The following MGAT4C variants were observed in gnomAD, a reference collection of about 807,000 sequenced individuals.
MGAT4C encodes alpha-1,3-mannosyl-glycoprotein 4-beta-N-acetylglucosaminyltransferase C.
MGAT4C carries 19 observed loss-of-function variants against 40.1 expected under a neutral mutation model. The ratio of observed to expected loss-of-function variants is 0.47; its 90% CI spans 0.33 to 0.70. The LOEUF is 0.70. Among genes scored for constraint, MGAT4C ranks in the 30% least tolerant of loss-of-function variants. The pLI, the probability that MGAT4C is intolerant of heterozygous loss-of-function variation, is 0.02. For synonymous variants in MGAT4C, 181 were observed against 187.1 expected (o/e 0.97, Z 0.27); for missense variants, 491 against 563.2 (o/e 0.87, Z 1.30).
At chr12:86,632,221 A>G (rs891970727) in intron 2 of MGAT4C, among the ~76,000 whole-genome samples, 1 of 152,126 alleles carries the variant, frequency 6.6e-6, no homozygotes, top group South Asian at 2.1e-4. Context: ...ATCTCATACC[A>G]GTTAGAATGG....
At chr12:86,315,942 A>G in intron 4 of MGAT4C, among the ~76,000 whole-genome samples, 1 of 151,870 alleles carries the variant, frequency 6.6e-6, no homozygotes, top group Middle Eastern at 3.2e-3. Flanking sequence ...ATATTTACAA[A>G]CTATGCATCC....
rs575666665 is a variant in MGAT4C, at chr12:86,806,852, G to A, written c.-262+31814C>T. ...AGGAGAACATCACACACTGGGGCCTGTTGTGGGGTGGGGGTAGCGGGGGAG... is the reference window on the plus strand; with the variant it reads ...AGGAGAACATCACACACTGGGGCCTATTGTGGGGTGGGGGTAGCGGGGGAG... On this transcript the variant is annotated intron_variant, in intron 1 of 7. Coordinates refer to the MGAT4C transcript ENST00000548651. Among the ~76,000 whole-genome samples the A allele has an allele frequency of 5.3e-4, 81 of 151,924 alleles. 1 individual carries two copies. Among genetic ancestry groups the A allele is most frequent in the African/African-American group, 1.9e-3 (79 of 41,476 alleles).
At chr12:86,703,076 T>TA in intron 2 of MGAT4C, among the ~76,000 whole-genome samples, 1 of 152,208 alleles carries the variant, frequency 6.6e-6, no homozygotes, top group East Asian at 1.9e-4. Context: ...GTGGATGTGG[T>TA]AAAAATGGCA....
intron 3 of MGAT4C, among the ~76,000 whole-genome samples, chr12:86,399,287 T>A (rs1055042502): frequency 6.6e-6 from 1 of 151,230 alleles, no homozygotes; most frequent in Non-Finnish European, 1.5e-5. Context: ...AATTACATAT[T>A]TCTTTTCTTT....
rs1000389473 is a variant in MGAT4C, at chr12:85,961,622, A to C, written c.*17667T>G. ...CTTGTCACTATATAAACTTCACCCT[A>C]AGGAAATTTCCATGTCAGATACAAT... On this transcript the variant is annotated 3_prime_UTR_variant, in exon 5 of 5. Transcript: ENST00000611864. 7.9e-5 allele frequency: 12 copies of C among 151,762 alleles called. No individual in the cohort carries two copies. The highest frequency in any genetic ancestry group is 2.4e-4 in the African/African-American group (10 of 41,408). 9.4% of individuals were successfully genotyped at this position (151,762 alleles called of 1,614,324 possible). A position where few individuals can be genotyped will look rare whatever the true frequency, so the allele number is the denominator to read the frequency against.
At chr12:86,829,957 C>T (rs1398593580) in intron 1 of MGAT4C, among the ~76,000 whole-genome samples, 2 of 150,512 alleles carry the variant, frequency 1.3e-5, no homozygotes, top group Admixed American at 1.3e-4. Context: ...ATAAAAAATG[C>T]ATTGCTGGAT....
chr12:86,327,818 G>C (rs926997726), intron 4 of MGAT4C, among the ~76,000 whole-genome samples: 2 of 151,998 alleles, frequency 1.3e-5, no homozygotes, highest in Non-Finnish European at 1.5e-5. Context: ...TGCACAAAAG[G>C]TATCTTTGCT....
chr12:86,299,714 A>G (rs1214867648), intron 4 of MGAT4C, among the ~76,000 whole-genome samples: 11 of 152,210 alleles, frequency 7.2e-5, no homozygotes, highest in Admixed American at 1.3e-4. Context: ...TTACACAACA[A>G]TATAAAAGGT....
chr12:86,445,821 T>C (rs1592857419), intron 2 of MGAT4C, among the ~76,000 whole-genome samples: 1 of 152,174 alleles, frequency 6.6e-6, no homozygotes, highest in African/African-American at 2.4e-5. Flanking sequence ...TTATATAGGC[T>C]GCAAAAATGG....
intron 1 of MGAT4C, among the ~76,000 whole-genome samples, chr12:86,213,118 C>T (rs1950547341): frequency 2.0e-5 from 3 of 152,064 alleles, no homozygotes; most frequent in Admixed American, 6.5e-5. Context: ...TTAGCTTTGT[C>T]TGCTGAGGGA....
At chr12:86,078,417 G>A (rs1037807072) in intron 1 of MGAT4C, among the ~76,000 whole-genome samples, 1 of 152,190 alleles carries the variant, frequency 6.6e-6, no homozygotes, top group Non-Finnish European at 1.5e-5. Flanking sequence ...TGGTGGATAA[G>A]GCATTCTGTG....
At chr12:86,700,182 T>C (rs11104040) in intron 2 of MGAT4C, among the ~76,000 whole-genome samples, 1,306 of 116,496 alleles carry the variant, frequency 0.011, 17 homozygotes, top group East Asian at 0.058. Flanking sequence ...GACAGACAGA[T>C]AGATAGATAG....
intron 4 of MGAT4C, among the ~76,000 whole-genome samples, chr12:86,306,821 T>G (rs1012269250): frequency 7.1e-6 from 1 of 141,030 alleles, no homozygotes; most frequent in African/African-American, 2.8e-5. Context: ...ATAAGATGAT[T>G]GAACTATAGA....
chr12:86,588,295 A>G (rs1230515816), intron 2 of MGAT4C, among the ~76,000 whole-genome samples: 1 of 152,038 alleles, frequency 6.6e-6, no homozygotes, highest in Non-Finnish European at 1.5e-5. Context: ...AAAGATCAAA[A>G]GAGACAAAGA....
rs977185202 is a variant in MGAT4C, at chr12:86,636,099, A to G, written c.-229+91110T>C. On this transcript the variant is annotated intron_variant, in intron 2 of 7. Coordinates refer to the MGAT4C transcript ENST00000548651. ...GTTTGTAGCCTAGGAGCAATAGGCT[A>G]AACCATATAGCCTTGGTGTGTAGCA... 3.9e-5 allele frequency among the ~76,000 whole-genome samples: 6 copies of G among 152,150 alleles called. No homozygotes were observed. The South Asian group carries it at 1.0e-3, about 26-fold the overall frequency.
chr12:86,459,091 A>G (rs1212128531), intron 2 of MGAT4C, among the ~76,000 whole-genome samples: 1 of 152,220 alleles, frequency 6.6e-6, no homozygotes, highest in Non-Finnish European at 1.5e-5. Flanking sequence ...GTATAACTGT[A>G]GTAATAGAAC....
intron 1 of MGAT4C, among the ~76,000 whole-genome samples, chr12:86,185,174 C>G (rs1888611245): frequency 6.6e-6 from 1 of 152,156 alleles, no homozygotes; most frequent in South Asian, 2.1e-4. Context: ...TCTTTTGACA[C>G]TCCTTTCCTC....
chr12:86,767,245 A>G (rs1951528521), intron 1 of MGAT4C, among the ~76,000 whole-genome samples: 1 of 152,242 alleles, frequency 6.6e-6, no homozygotes, highest in Admixed American at 6.5e-5. Flanking sequence ...ACCTCTACAC[A>G]AATAAACTAG....
chr12:86,225,953 C>T (rs1951057506), intron 1 of MGAT4C, among the ~76,000 whole-genome samples: 1 of 151,686 alleles, frequency 6.6e-6, no homozygotes, highest in South Asian at 2.1e-4. Context: ...AGCAATCAGG[C>T]AAGACAAAGA....
Sources: allele counts gnomAD v4.1 joint callset (sites outside exome capture counted in the v4.1 genomes callset), GRCh38; gene constraint gnomAD v4.1.1; transcripts MANE v1.5; gene names NCBI Gene and HGNC (gene_info 2026-07-23, HGNC 2026-07-21).